The following FANCA variants were observed in gnomAD, a reference collection of about 807,000 sequenced individuals.
FANCA encodes the protein FA complementation group A.
In FANCA, 236 loss-of-function variants were observed where a neutral mutation model predicts 194.3. The ratio of observed to expected loss-of-function variants is 1.21; its 90% CI spans 1.09 to 1.35. The LOEUF is 1.35. FANCA is among the 40% of genes most tolerant of loss of function. The probability of loss-of-function intolerance (pLI) is 0.00; values close to 1 mark genes in which losing one functional copy is unlikely to be tolerated. For synonymous variants in FANCA, 1,014 were observed against 715.8 expected, an observed-to-expected ratio of 1.42 and a Z score of -6.65; for missense variants, 2,628 against 1,813.9, an observed-to-expected ratio of 1.45 and a Z score of -8.15.
At chr16:89,804,753 G>A (rs1369197921) in intron 7 of FANCA, among the ~76,000 whole-genome samples, 3 of 152,124 alleles carry the variant, frequency 2.0e-5, no homozygotes, top group African/African-American at 7.2e-5. Context: ...CCTCAGGAAG[G>A]CCAGGCATAG....
At chr16:89,787,606 T>C (rs2039941080) in intron 14 of FANCA, among the ~76,000 whole-genome samples, 2 of 151,742 alleles carry the variant, frequency 1.3e-5, no homozygotes, top group Non-Finnish European at 2.9e-5. Flanking sequence ...TGTGGTGACA[T>C]ACACCTGCGG....
chr16:89,765,740 C>T (rs973694904), intron 27 of FANCA, among the ~76,000 whole-genome samples: 1 of 152,272 alleles, frequency 6.6e-6, no homozygotes, highest in Admixed American at 6.5e-5. Context: ...GCTCCAAGGA[C>T]TGTCGTCCCT....
At position 89,775,706 on chromosome 16, in the gene FANCA, C is replaced by A. The variant is rs1445876176; in HGVS notation, c.1900+36G>T. 3 of 1,559,320 alleles carry A rather than the reference C, an allele frequency of 1.9e-6. No homozygotes were observed. In the South Asian group the frequency reaches 3.4e-5, roughly 18 times the overall value. Reference sequence around the variant, plus strand: ...TCAAGGTTAGGAAAATGGAAAAGCACAAGTCCCAGAGTGGACAAGCGGCCC... The same window carrying A: ...TCAAGGTTAGGAAAATGGAAAAGCAAAAGTCCCAGAGTGGACAAGCGGCCC... On this transcript the variant is annotated intron_variant, in intron 21 of 42. Coordinates refer to ENST00000389301, the MANE Select transcript of FANCA (RefSeq NM_000135.4).
At chr16:89,775,901 A>C in intron 20 of FANCA, 86 bp from the exon 21 acceptor site, 1 of 810,830 alleles carries the variant, frequency 1.2e-6, no homozygotes, top group Non-Finnish European at 2.0e-6. Context: ...TATAAAATAA[A>C]AACATATTAA....
intron 5 of FANCA, among the ~76,000 whole-genome samples, chr16:89,809,813 A>G (rs531920757): frequency 2.6e-5 from 4 of 151,752 alleles, no homozygotes; most frequent in South Asian, 2.1e-4. Context: ...AGATAGCACC[A>G]TTGCACTCCA....
At chr16:89,800,506 C>T (rs1447849510) in intron 8 of FANCA, among the ~76,000 whole-genome samples, 1 of 152,168 alleles carries the variant, frequency 6.6e-6, no homozygotes, top group Non-Finnish European at 1.5e-5. Flanking sequence ...TCAATGCAAT[C>T]CCTATCAAAA....
At chr16:89,801,843 G>A (rs1383022699) in intron 8 of FANCA, among the ~76,000 whole-genome samples, 9 of 151,826 alleles carry the variant, frequency 5.9e-5, no homozygotes, top group African/African-American at 1.7e-4. Context: ...AGCCGAAATC[G>A]CGCCACTGCA....
chr16:89,746,372 C>T (rs1355222731), intron 35 of FANCA, among the ~76,000 whole-genome samples: 5 of 152,108 alleles, frequency 3.3e-5, no homozygotes, highest in Admixed American at 1.3e-4. Context: ...ATGGTGACGG[C>T]GGTGGGGGCA....
chr16:89,782,253 T>C (rs1311929750), intron 17 of FANCA, among the ~76,000 whole-genome samples: 3 of 151,726 alleles, frequency 2.0e-5, no homozygotes, highest in Non-Finnish European at 4.4e-5. Flanking sequence ...GGCGGGCGCC[T>C]GTAATCCCAG....
intron 41 of FANCA, 41 bp downstream of exon 41, chr16:89,739,092 G>A (rs769505201): frequency 6.8e-6 from 11 of 1,613,732 alleles, no homozygotes; most frequent in Admixed American, 1.7e-5. Context: ...CCTCCGGCTG[G>A]GGGGAGCTCC....
At chr16:89,814,407 G>C in intron 3 of FANCA, 113 bp downstream of exon 3, 1 of 783,666 alleles carries the variant, frequency 1.3e-6, no homozygotes, top group Non-Finnish European at 2.1e-6. Flanking sequence ...ACACACACCA[G>C]TGGAAACCCA....
Position 89,791,984 on chromosome 16 carries a change from G to T in FANCA, c.1168C>A (p.Leu390Ile), listed in dbSNP as rs2040091522. The change falls in exon 13 of 43, where the codon CTC becomes ATC. Residue 390 changes from leucine to isoleucine, a missense_variant. By Grantham distance (5) the Leu-to-Ile change is conservative. Coordinates refer to ENST00000389301, the MANE Select transcript of FANCA (RefSeq NM_000135.4). ...ACAACCAGGGCAGACACAAAGGAGAGCACTCTCTGCCAGTGAACCTCCTGC... is the reference window on the plus strand; with the variant it reads ...ACAACCAGGGCAGACACAAAGGAGATCACTCTCTGCCAGTGAACCTCCTGC... ...ETQEVHWQRV[L>I]SFVSALVVCF... 2 of 1,614,070 alleles carry T rather than the reference G, an allele frequency of 1.2e-6. No homozygotes were observed. The highest frequency in any genetic ancestry group is 1.7e-6 in the Non-Finnish European group (2 of 1,180,036).
At position 89,783,093 on chromosome 16, in the gene FANCA, G is replaced by C. The variant is rs1060501886; in HGVS notation, c.1480C>G (p.Leu494Val). The change falls in exon 16 of 43, where the codon CTC becomes GTC. Residue 494 changes from leucine to valine, a missense_variant. Physicochemically the swap from Leu to Val is conservative, Grantham distance 32 (BLOSUM62 1). Coordinates refer to ENST00000389301, the MANE Select transcript of FANCA (RefSeq NM_000135.4). ...ESPRYLQVHI[L>V]HPPLVPGKYR... is the part of the protein sequence containing the mutation. Reference sequence around the variant, plus strand: ...TTGCCGGGAACCAGGGGTGGGTGGAGAATGTGCACCTGAGGATAGATAGCA... The same window carrying C: ...TTGCCGGGAACCAGGGGTGGGTGGACAATGTGCACCTGAGGATAGATAGCA... 6.2e-7 allele frequency: 1 copy of C among 1,612,492 alleles called. No individual in the cohort carries two copies. The highest frequency in any genetic ancestry group is 8.5e-7 in the Non-Finnish European group (1 of 1,178,638).
intron 3 of FANCA, among the ~76,000 whole-genome samples, chr16:89,812,239 T>C (rs577020237): frequency 5.5e-4 from 83 of 151,822 alleles, no homozygotes; most frequent in African/African-American, 1.9e-3. Flanking sequence ...CTCAGGAGGC[T>C]GAGGCGAAGA....
At chr16:89,773,472 A>C in intron 21 of FANCA, 88 bp from the exon 22 acceptor site, 1 of 971,494 alleles carries the variant, frequency 1.0e-6, no homozygotes, top group Non-Finnish European at 1.6e-6. Flanking sequence ...TCAAATACAG[A>C]GCTGTGAACT....
chr16:89,812,245 G>A (rs1172874387), intron 3 of FANCA, among the ~76,000 whole-genome samples: 2 of 148,818 alleles, frequency 1.3e-5, no homozygotes, highest in East Asian at 2.0e-4. Flanking sequence ...AGGCTGAGGC[G>A]AAGAATGGCG....
chr16:89,762,712 A>G (rs1176569458), intron 28 of FANCA: 4 of 445,804 alleles, frequency 9.0e-6, no homozygotes, highest in Non-Finnish European at 1.4e-5. Context: ...AGCTCGCTGC[A>G]GACTCTGCCT....
At position 89,752,180 on chromosome 16, in the gene FANCA, A is replaced by T. The variant is rs970239067; in HGVS notation, c.3024T>A (p.Phe1008Leu). The T allele has an allele frequency of 1.2e-6, 2 of 1,614,082 alleles. No homozygotes were observed. The highest frequency in any genetic ancestry group is 2.7e-5 in the African/African-American group (2 of 74,936). The stretch of plus-strand genomic sequence containing the variant: ...TATCCTCATTTCCTGTGCGGCCACC[A>T]AAGACCAAATCAGAATTTTCTGAGT... ...YDHSENSDLV[F>L]GGRTGNEDII... Residue 1008 changes from phenylalanine (F) to leucine (L), a missense_variant, in exon 31 of 43, where the codon TTT becomes TTA. Coordinates refer to ENST00000389301, the MANE Select transcript of FANCA (RefSeq NM_000135.4).
chr16:89,775,694 A>C (rs1461267644), intron 21 of FANCA, 48 bp downstream of exon 21: 1 of 1,499,370 alleles, frequency 6.7e-7, no homozygotes, highest in African/African-American at 1.4e-5. Context: ...AGGTTAGGAA[A>C]ATGGAAAAGC....
Sources: gnomAD v4.1 joint callset for allele counts (sites outside exome capture counted in the v4.1 genomes callset) on GRCh38, gnomAD v4.1.1 for gene constraint, MANE v1.5 for transcripts, NCBI Gene and HGNC (gene_info 2026-07-23, HGNC 2026-07-21) for gene names.